GAB2: variants seen among roughly 807,000 people sequenced by gnomAD.
The protein encoded by GAB2 is GRB2 associated binding protein 2, also known as GRB2-associated-binding protein 2.
GAB2 carries 26 observed loss-of-function variants against 65.5 expected under a neutral mutation model. That is an observed-to-expected ratio of 0.40 (90% CI 0.29 to 0.55). GAB2 has a LOEUF of 0.55. Ranked by LOEUF, GAB2 falls within the 20% of genes least tolerant of loss-of-function variation. The pLI is 0.53. For missense variants in GAB2, 884 were observed against 875.8 expected (o/e 1.01, Z -0.12); for synonymous variants, 321 against 329.6 (o/e 0.97, Z 0.28).
rs489697 is a variant in GAB2, at chr11:78,242,514, A to G, written c.620+7643T>C. ...GAGACTCCGTCTCAAAACAAAAAAA[A>G]AAGAAAAAGAATGAAATTTAGAAAT... On this transcript the variant is annotated intron_variant, in intron 3 of 9. Transcript: ENST00000361507. 3.7e-4 allele frequency among the ~76,000 whole-genome samples: 56 copies of G among 152,264 alleles called. 2 individuals carry two copies. The South Asian group carries it at 0.011, about 29-fold the overall frequency.
chr11:78,275,379 AAAAG>A (rs1302663669), intron 2 of GAB2, among the ~76,000 whole-genome samples: 1 of 152,250 alleles, frequency 6.6e-6, no homozygotes, highest in African/African-American at 2.4e-5. Context: ...GCTACTAAGC[AAAAG>A]AAAGTAGTCA....
intron 1 of GAB2, among the ~76,000 whole-genome samples, chr11:78,285,135 T>C (rs1866442482): frequency 6.6e-6 from 1 of 152,252 alleles, no homozygotes; most frequent in African/African-American, 2.4e-5. Flanking sequence ...ACATAGTGTG[T>C]GGGCACCAAG....
chr11:78,367,591 CT>C (rs1476915445), intron 1 of GAB2, among the ~76,000 whole-genome samples: 2 of 152,132 alleles, frequency 1.3e-5, no homozygotes, highest in African/African-American at 4.8e-5. Context: ...AAGCAAAACA[CT>C]TTATAGATGG....
chr11:78,262,427 T>C (rs1231934977), intron 2 of GAB2, among the ~76,000 whole-genome samples: 1 of 152,234 alleles, frequency 6.6e-6, no homozygotes, highest in Non-Finnish European at 1.5e-5. Context: ...AGCACTGCAC[T>C]GTGGGAGGTA....
chr11:78,223,912 C>T (rs1864544027), intron 5 of GAB2, among the ~76,000 whole-genome samples: 1 of 152,060 alleles, frequency 6.6e-6, no homozygotes, highest in Non-Finnish European at 1.5e-5. Context: ...AAAACCTCCT[C>T]TCTACTAAAA....
intron 1 of GAB2, among the ~76,000 whole-genome samples, chr11:78,286,930 T>C (rs1866501257): frequency 6.6e-6 from 1 of 152,202 alleles, no homozygotes; most frequent in African/African-American, 2.4e-5. Context: ...GAGAAAGCTT[T>C]TTCAGGACTG....
At chr11:78,278,605 C>T (rs1223274676) in intron 2 of GAB2, among the ~76,000 whole-genome samples, 5 of 152,030 alleles carry the variant, frequency 3.3e-5, no homozygotes, top group Non-Finnish European at 5.9e-5. Flanking sequence ...TCTCGAACTC[C>T]AGGCCTCAGG....
At chr11:78,381,365 A>G (rs1856694991) in intron 1 of GAB2, among the ~76,000 whole-genome samples, 1 of 152,138 alleles carries the variant, frequency 6.6e-6, no homozygotes, top group Non-Finnish European at 1.5e-5. Context: ...ACTCCAACTA[A>G]CCTGTGGTCA....
At chr11:78,317,692 C>T (rs906143131) in intron 1 of GAB2, among the ~76,000 whole-genome samples, 3 of 151,470 alleles carry the variant, frequency 2.0e-5, no homozygotes, top group Middle Eastern at 3.4e-3. Context: ...AACTTGGCAA[C>T]GAATCTTTGC....
chr11:78,329,820 T>C (rs1855885385), intron 1 of GAB2, among the ~76,000 whole-genome samples: 1 of 152,244 alleles, frequency 6.6e-6, no homozygotes, highest in Non-Finnish European at 1.5e-5. Context: ...GGTTGGTATG[T>C]ACGATAGGTT....
chr11:78,316,932 T>C (rs1474792094), intron 1 of GAB2, among the ~76,000 whole-genome samples: 1 of 152,176 alleles, frequency 6.6e-6, no homozygotes, highest in Non-Finnish European at 1.5e-5. Context: ...AGTACATGCA[T>C]ACAATGGAAT....
intron 2 of GAB2, among the ~76,000 whole-genome samples, chr11:78,267,775 A>G (rs891904298): frequency 5.4e-5 from 8 of 148,062 alleles, no homozygotes; most frequent in African/African-American, 2.0e-4. Context: ...GAAGAATGGC[A>G]TGAACCTGGG....
At chr11:78,300,516 T>TAAAAAAAAAAAA (rs138790128) in intron 1 of GAB2, among the ~76,000 whole-genome samples, 47 of 142,820 alleles carry the variant, frequency 3.3e-4, no homozygotes, top group African/African-American at 1.2e-3. Context: ...TTTAATTTTA[T>TAAAAAAAAAAAA]AAAAAAACAA....
rs755736799 is a variant in GAB2, at chr11:78,226,817, G to A, written c.855C>T (p.Ser285=). Reference sequence around the variant, plus strand: ...TGTACACATCCTCATTATCTGTCTCGGAGCCTGTGAGGCTGCCCTTGGTGT... The same window carrying A: ...TGTACACATCCTCATTATCTGTCTCAGAGCCTGTGAGGCTGCCCTTGGTGT... ...HGHTKGSLTG[S]ETDNEDVYTF... The change falls in exon 4 of 10, where the codon TCC becomes TCT. Residue 285 remains serine (S), a synonymous_variant. Coordinates refer to ENST00000361507, the MANE Select transcript of GAB2 (RefSeq NM_080491.3). 103 of 1,613,956 alleles carry A rather than the reference G, an allele frequency of 6.4e-5. No individual in the cohort carries two copies. Among genetic ancestry groups the A allele is most frequent in the Non-Finnish European group, 7.8e-5 (92 of 1,179,950 alleles).
chr11:78,377,365 T>C (rs1245046406), intron 1 of GAB2, among the ~76,000 whole-genome samples: 2 of 152,066 alleles, frequency 1.3e-5, no homozygotes, highest in Non-Finnish European at 2.9e-5. Context: ...GGATGGAAGT[T>C]CTCTTGTGTG....
At chr11:78,367,931 C>A (rs112941781) in intron 1 of GAB2, among the ~76,000 whole-genome samples, 4,720 of 151,442 alleles carry the variant, frequency 0.031, 215 homozygotes, top group African/African-American at 0.1. Context: ...ATTCTCCTGC[C>A]TCAGCCTCCC....
At chr11:78,285,763 G>T (rs1186900251) in intron 1 of GAB2, among the ~76,000 whole-genome samples, 1 of 152,168 alleles carries the variant, frequency 6.6e-6, no homozygotes, top group African/African-American at 2.4e-5. Context: ...CACGGCATGG[G>T]GCCCCATGTG....
chr11:78,258,516 T>TC (rs1315074933), intron 2 of GAB2, among the ~76,000 whole-genome samples: 16 of 152,278 alleles, frequency 1.1e-4, no homozygotes, highest in Non-Finnish European at 2.9e-5. Context: ...TTAATTTTTT[T>TC]CCCCTCAATG....
intron 1 of GAB2, among the ~76,000 whole-genome samples, chr11:78,310,304 C>T (rs2134642289): frequency 6.7e-6 from 1 of 150,082 alleles, no homozygotes; most frequent in East Asian, 2.0e-4. Flanking sequence ...AGATCAAGAC[C>T]ATCCTGGCTA....
Sources: gnomAD v4.1 joint callset for allele counts (sites outside exome capture counted in the v4.1 genomes callset) on GRCh38, gnomAD v4.1.1 for gene constraint, MANE v1.5 for transcripts, NCBI Gene and HGNC (gene_info 2026-07-23, HGNC 2026-07-21) for gene names.